STXBP2: variants seen among roughly 807,000 people sequenced by gnomAD.
The protein encoded by STXBP2 is syntaxin binding protein 2.
A neutral mutation model predicts 72.2 loss-of-function variants in STXBP2; 47 were observed. The observed-to-expected ratio is 0.65, with a 90% confidence interval of 0.51 to 0.83. The LOEUF (loss-of-function observed/expected upper bound fraction) is 0.83, where lower values mean the gene tolerates loss of function less well. Among genes scored for constraint, STXBP2 ranks in the 40% least tolerant of loss-of-function variants. The pLI, the probability that STXBP2 is intolerant of heterozygous loss-of-function variation, is 0.00. For missense variants in STXBP2, 702 were observed against 807.6 expected (o/e 0.87, Z 1.58); for synonymous variants, 367 against 338.7 (o/e 1.08, Z -0.92).
At chr19:7,639,351 G>C in intron 3 of STXBP2, 1 of 613,382 alleles carries the variant, frequency 1.6e-6, no homozygotes, top group South Asian at 1.8e-5. Flanking sequence ...CTTCCTGACC[G>C]TGCAGCTCCC....
At chr19:7,640,298 CTATGTA>C (rs2031783670) in intron 4 of STXBP2, 2 of 526,442 alleles carry the variant, frequency 3.8e-6, no homozygotes, top group East Asian at 9.0e-5. Context: ...GTGCATGTGT[CTATGTA>C]TGTGTGTGCA....
rs1568465354 is a variant in STXBP2 at position 7,640,400 on chromosome 19, ATATGTGTGTATG to A, written c.247-322_247-311del. On this transcript the variant is annotated intron_variant, in intron 4 of 18. Coordinates refer to ENST00000221283, the MANE Select transcript of STXBP2 (RefSeq NM_006949.4). ...TGCGCATCAGTGTCTGCATGTGTGT[ATATGTGTGTATG>A]TATGTGTGCGCGCGCATCTGTGTGT... 1.1e-5 allele frequency: 6 copies of A among 553,256 alleles called. No homozygotes were observed. In the Admixed American group the frequency reaches 1.5e-4, roughly 14 times the overall value. 34.3% of individuals were successfully genotyped at this position (553,256 alleles called of 1,614,324 possible). A position where few individuals can be genotyped will look rare whatever the true frequency, so the allele number is the denominator to read the frequency against.
upstream of STXBP2, chr19:7,631,976 G>C (rs1386633679): frequency 7.5e-6 from 5 of 666,798 alleles, no homozygotes; most frequent in Admixed American, 1.9e-4. Flanking sequence ...TTGAGTGTGA[G>C]GTGGCAGGTC....
At chr19:7,647,092 C>T (rs1306658947) in intron 16 of STXBP2, 70 bp from the exon 17 acceptor site, 58 of 1,536,532 alleles carry the variant, frequency 3.8e-5, no homozygotes, top group South Asian at 1.6e-4. Context: ...CTGAATACCC[C>T]GTGGGGGGCA....
rs768388352 is a variant in STXBP2, at chr19:7,646,292, A to G, written c.1400A>G (p.Glu467Gly). The G allele has an allele frequency of 1.2e-6, 2 of 1,611,678 alleles. No individual in the cohort carries two copies. The highest frequency in any genetic ancestry group is 2.2e-5 in the South Asian group (2 of 90,456). The change falls in exon 16 of 19, where the codon GAG becomes GGG. Residue 467 changes from glutamate (E) to glycine (G), a missense_variant. Physicochemically the swap from Glu to Gly is moderately conservative, Grantham distance 98. Coordinates refer to ENST00000221283, the MANE Select transcript of STXBP2 (RefSeq NM_006949.4). The part of the protein sequence containing the change: ...SSRLEPRERM[E>G]PTYQLSRWTP... The stretch of plus-strand genomic sequence containing the variant: ...CGGCTGGAGCCGAGAGAACGCATGG[A>G]GCCCACCTATCAGCTGTCCCGCTGG...
intron 3 of STXBP2, 38 bp downstream of exon 3, chr19:7,639,138 G>A (rs374717234): frequency 1.2e-5 from 19 of 1,605,484 alleles, no homozygotes; most frequent in Admixed American, 1.7e-5. Flanking sequence ...GGACCTGAGC[G>A]TGGGAACCCC....
At chr19:7,631,826 T>C in the STXBP2 span, 343 of 1,382,116 alleles carry the variant, frequency 2.5e-4, no homozygotes, top group Non-Finnish European at 3.0e-4. Flanking sequence ...TGAAGAGGGG[T>C]CAGCCAGGGG....
At chr19:7,629,807 C>G in the STXBP2 span, 7 of 1,536,890 alleles carry the variant, frequency 4.6e-6, no homozygotes, top group African/African-American at 1.4e-5. Flanking sequence ...TTGGGCGGAA[C>G]TGGCTTTGTT....
the STXBP2 span, chr19:7,631,308 A>C: frequency 1.4e-6 from 2 of 1,413,894 alleles, no homozygotes; most frequent in East Asian, 5.2e-5. Flanking sequence ...AGCGGATCCC[A>C]CGCGGACCCC....
At chr19:7,637,034 A>G, upstream of STXBP2, 1 of 1,112,970 alleles carries the variant, frequency 9.0e-7, no homozygotes, top group Non-Finnish European at 1.1e-6. Flanking sequence ...GGGAGGGGCC[A>G]GGTGCGCAGG....
chr19:7,641,398 AAGGGG>A (rs1456906864), intron 6 of STXBP2, among the ~76,000 whole-genome samples: 1 of 152,096 alleles, frequency 6.6e-6, no homozygotes, highest in Non-Finnish European at 1.5e-5. Flanking sequence ...AAATTTTAAA[AAGGGG>A]AGGTACCCAC....
In STXBP2 at chr19:7,640,616, T is replaced by A. The variant is rs114158188; in HGVS notation, c.247-115T>A. The stretch of plus-strand genomic sequence containing the variant: ...TAGTGTGCATTTGCACATATACATG[T>A]CCCCGTCCGTCCATGTTTGCACATG... On this transcript the variant is annotated intron_variant, in intron 4 of 18. Transcript: ENST00000221283. 2.0e-3 allele frequency: 2,677 copies of A among 1,339,160 alleles called. 38 individuals are homozygous for A. In the African/African-American group the frequency reaches 0.03, roughly 15 times the overall value. The allele number at this position is 1,339,160 out of a possible 1,614,324, so 83.0% of individuals were successfully genotyped here.
chr19:7,643,297 A>G (rs554856872), intron 13 of STXBP2, 52 bp downstream of exon 13: 7 of 1,002,648 alleles, frequency 7.0e-6, no homozygotes, highest in South Asian at 6.4e-5. Context: ...AAGGCGGGGT[A>G]TTGGGGAGGG....
intron 4 of STXBP2, 157 bp from the exon 5 acceptor site, chr19:7,640,574 C>A: frequency 1.1e-6 from 1 of 871,786 alleles, no homozygotes; most frequent in South Asian, 1.4e-5. Flanking sequence ...GCGCGTGTGC[C>A]CATGTGGGTG....
chr19:7,643,846 AAG>A (rs2032005996), intron 13 of STXBP2, among the ~76,000 whole-genome samples: 1 of 25,558 alleles, frequency 3.9e-5, no homozygotes. Context: ...GTGGAGCCTT[AAG>A]AGAGGTGGGA....
At position 7,640,940 on chromosome 19, in the gene STXBP2, T is replaced by C. The variant is rs1375830574; in HGVS notation, c.366T>C (p.Arg122=). ...EPLFSELGRS[R]LAKVVKTLKE... ...TGTTCAGTGAGCTAGGCCGCTCTCG[T>C]CTGGCAAAGGTGGTGAAGACGTTGA... The change falls in exon 6 of 19, where the codon CGT becomes CGC. Residue 122 remains arginine (R), a synonymous_variant. Coordinates refer to ENST00000221283, the MANE Select transcript of STXBP2 (RefSeq NM_006949.4). 3.4e-5 allele frequency: 55 copies of C among 1,614,102 alleles called. No homozygotes were observed. The Admixed American group carries it at 9.2e-4, about 27-fold the overall frequency.
chr19:7,647,210 G>C lies in STXBP2; in HGVS notation c.1501G>C (p.Asp501His). 6.2e-7 allele frequency: 1 copy of C among 1,611,830 alleles called. No homozygotes were observed. The highest frequency in any genetic ancestry group is 1.3e-5 in the African/African-American group (1 of 75,022). The change falls in exon 17 of 19, where the codon GAC (aspartate) becomes CAC (histidine). Residue 501 changes from aspartate to histidine, a missense_variant. Coordinates refer to ENST00000221283, the MANE Select transcript of STXBP2 (RefSeq NM_006949.4). ...CAGGAACCTGTGGCCCTTCGTATCC[G>C]ACCCCGCCCCCACGGCCAGCTCCCA... The part of the protein sequence containing the change: ...LDRNLWPFVS[D>H]PAPTASSQAA...
At chr19:7,631,936 A>G (rs960350860), upstream of STXBP2, 1 of 967,684 alleles carries the variant, frequency 1.0e-6, no homozygotes, top group Non-Finnish European at 1.4e-6. Flanking sequence ...GTCTATGTTT[A>G]CCCTCAATAT....
chr19:7,642,921 C>T lies in STXBP2; in HGVS notation c.961-62C>T. 1.2e-6 allele frequency: 2 copies of T among 1,611,640 alleles called. No homozygotes were observed. Among genetic ancestry groups the T allele is most frequent in the East Asian group, 4.5e-5 (2 of 44,872 alleles). ...CCTGGATTTCGAGCCTGGACTGAGA[C>T]CCAGGTGGGCACTGCCTGGCTTCGC... On this transcript the variant is annotated intron_variant, in intron 11 of 18. Transcript: ENST00000221283. This position sits in a 1 kb window ranked among gnomAD's most constrained non-coding sequence, Gnocchi z 6.0.
Sources: allele counts gnomAD v4.1 joint callset (sites outside exome capture counted in the v4.1 genomes callset), GRCh38; gene constraint gnomAD v4.1.1; non-coding constraint Gnocchi (gnomAD v3.1); transcripts MANE v1.5; gene names NCBI Gene and HGNC (gene_info 2026-07-23, HGNC 2026-07-21).